The following OXR1 variants were observed in gnomAD, a reference collection of about 807,000 sequenced individuals.
OXR1 encodes the protein oxidation resistance 1.
Under a neutral mutation model 104.6 loss-of-function variants are expected in OXR1, and 41 were observed. The ratio of observed to expected loss-of-function variants is 0.39; its 90% CI spans 0.31 to 0.51. The LOEUF (loss-of-function observed/expected upper bound fraction) is 0.51. OXR1 is among the 20% of genes least tolerant of loss of function. OXR1 has a pLI of 0.77. For missense variants in OXR1, 955 were observed against 1,031.9 expected (o/e 0.93, Z 1.02); for synonymous variants, 348 against 348.4 (o/e 1.00, Z 0.01).
chr8:106,595,545 C>T (rs144685846), intron 3 of OXR1, among the ~76,000 whole-genome samples: 1,341 of 126,618 alleles, frequency 0.011, 29 homozygotes, highest in African/African-American at 0.038. Flanking sequence ...AGTGAAACTC[C>T]GTCTCAAAAA....
At chr8:106,482,944 G>A (rs1391270616) in intron 2 of OXR1, among the ~76,000 whole-genome samples, 5 of 151,964 alleles carry the variant, frequency 3.3e-5, no homozygotes, top group Non-Finnish European at 7.4e-5. Flanking sequence ...TTACTATGAA[G>A]ATAAAATAAT....
chr8:106,279,929 G>T (rs558578547), intron 1 of OXR1, among the ~76,000 whole-genome samples: 1 of 152,160 alleles, frequency 6.6e-6, no homozygotes, highest in Non-Finnish European at 1.5e-5. Flanking sequence ...GTGCTGGAAT[G>T]GATCAGCTCT....
chr8:106,535,809 A>C (rs1233271140), intron 3 of OXR1, among the ~76,000 whole-genome samples: 2 of 152,226 alleles, frequency 1.3e-5, no homozygotes, highest in African/African-American at 4.8e-5. Context: ...CAGGCTTTCT[A>C]TAAATTTCCT....
At chr8:106,699,553 G>A (rs144758250) in intron 7 of OXR1, among the ~76,000 whole-genome samples, 1 of 152,226 alleles carries the variant, frequency 6.6e-6, no homozygotes, top group African/African-American at 2.4e-5. Context: ...GTGTAAGTTT[G>A]GTGTGTGTAT....
chr8:106,581,111 CAGT>C, intron 3 of OXR1: 1 of 1,243,304 alleles, frequency 8.0e-7, no homozygotes, highest in South Asian at 1.4e-5. Context: ...TATTCAAAGA[CAGT>C]CTAGACTTAA....
chr8:106,623,846 G>A (rs1821927514), intron 3 of OXR1, among the ~76,000 whole-genome samples: 1 of 152,186 alleles, frequency 6.6e-6, no homozygotes, highest in Non-Finnish European at 1.5e-5. Context: ...TTGTAAAAGG[G>A]TATCATTACT....
rs770649688 is a variant in OXR1 at position 106,713,820 on chromosome 8, C to T, written c.1794-3C>T. ...GTATATTAATAGTCACTTCTCCTAA[C>T]AGGACAGATCACTTGTATGCCTTCT... On this transcript the variant is annotated splice_region_variant and splice_polypyrimidine_tract_variant and intron_variant, in intron 10 of 16. Transcript: ENST00000517566. 1 of 1,533,962 alleles carries T rather than the reference C, an allele frequency of 6.5e-7. No homozygotes were observed. Among genetic ancestry groups the T allele is most frequent in the African/African-American group, 1.4e-5 (1 of 69,652 alleles).
chr8:106,661,266 G>C (rs1265242134), intron 3 of OXR1, among the ~76,000 whole-genome samples: 1 of 152,182 alleles, frequency 6.6e-6, no homozygotes, highest in Non-Finnish European at 1.5e-5. Flanking sequence ...AACTGTTAAT[G>C]TCTCTCCTTC....
intron 3 of OXR1, among the ~76,000 whole-genome samples, chr8:106,522,314 C>G (rs1370938696): frequency 6.6e-6 from 1 of 152,152 alleles, no homozygotes; most frequent in Admixed American, 6.5e-5. Context: ...TATGCACATG[C>G]TCCTGTATAC....
chr8:106,334,923 G>A (rs549583068), intron 1 of OXR1, among the ~76,000 whole-genome samples: 7 of 152,148 alleles, frequency 4.6e-5, no homozygotes, highest in Non-Finnish European at 8.8e-5. Flanking sequence ...TTCAATAACA[G>A]ATGCAAACTC....
At chr8:106,426,944 T>C (rs1819146189) in intron 2 of OXR1, among the ~76,000 whole-genome samples, 1 of 152,170 alleles carries the variant, frequency 6.6e-6, no homozygotes, top group African/African-American at 2.4e-5. Flanking sequence ...TTCCTTCTCT[T>C]CTGCTGTTGC....
At chr8:106,548,432 C>T (rs1181481354) in intron 3 of OXR1, among the ~76,000 whole-genome samples, 2 of 152,086 alleles carry the variant, frequency 1.3e-5, no homozygotes, top group Non-Finnish European at 2.9e-5. Context: ...ATCTTTGCCT[C>T]CCTCTTGCTT....
intron 2 of OXR1, among the ~76,000 whole-genome samples, chr8:106,437,497 C>A (rs1430250801): frequency 6.6e-6 from 1 of 152,076 alleles, no homozygotes; most frequent in Non-Finnish European, 1.5e-5. Context: ...ATCTTTATTT[C>A]ATTATCTTTG....
intron 2 of OXR1, among the ~76,000 whole-genome samples, chr8:106,398,870 T>A (rs1179729808): frequency 6.6e-6 from 1 of 152,136 alleles, no homozygotes. Flanking sequence ...TGCTGATAAA[T>A]CACTGCTTCA....
chr8:106,516,194 C>T (rs1428878509), intron 2 of OXR1, among the ~76,000 whole-genome samples: 1 of 152,098 alleles, frequency 6.6e-6, no homozygotes, highest in African/African-American at 2.4e-5. Context: ...ATGATCATAG[C>T]TCATTCCTTC....
chr8:106,588,687 G>A (rs542903316), intron 3 of OXR1, among the ~76,000 whole-genome samples: 3 of 151,754 alleles, frequency 2.0e-5, no homozygotes, highest in Middle Eastern at 3.4e-3. Context: ...CACCATCTTG[G>A]CCAGGCTGGT....
chr8:106,333,709 G>A (rs552029675), intron 1 of OXR1, among the ~76,000 whole-genome samples: 2 of 152,156 alleles, frequency 1.3e-5, no homozygotes, highest in Admixed American at 6.5e-5. Context: ...GATAATGATT[G>A]TTTCAGCATT....
intron 3 of OXR1, among the ~76,000 whole-genome samples, chr8:106,578,565 A>G (rs1378287751): frequency 1.3e-5 from 2 of 152,312 alleles, no homozygotes; most frequent in South Asian, 2.1e-4. Context: ...AGTCATAGTA[A>G]ATTCTTGTGC....
At chr8:106,597,961 T>A (rs1380104520) in intron 3 of OXR1, among the ~76,000 whole-genome samples, 1 of 152,232 alleles carries the variant, frequency 6.6e-6, no homozygotes, top group Non-Finnish European at 1.5e-5. Flanking sequence ...TGTCACCTCC[T>A]CTGGCCACCC....
Sources: allele counts gnomAD v4.1 joint callset (sites outside exome capture counted in the v4.1 genomes callset), GRCh38; gene constraint gnomAD v4.1.1; transcripts MANE v1.5; gene names NCBI Gene and HGNC (gene_info 2026-07-23, HGNC 2026-07-21).